Variants in RGS8 observed in about 807,000 individuals in gnomAD.
The protein encoded by RGS8 is regulator of G protein signaling 8, also known as regulator of G-protein signaling 8.
In RGS8, 8 loss-of-function variants were observed where a neutral mutation model predicts 21.7. The ratio of observed to expected loss-of-function variants is 0.37; its 90% confidence interval spans 0.22 to 0.66. The LOEUF (loss-of-function observed/expected upper bound fraction) is 0.66. Among genes scored for constraint, RGS8 ranks in the 30% least tolerant of loss-of-function variants. The pLI, the probability that RGS8 is intolerant of heterozygous loss-of-function variation, is 0.59. For missense variants in RGS8, 157 were observed against 217.9 expected (o/e 0.72, Z 1.76); for synonymous variants, 80 against 83.6 (o/e 0.96, Z 0.24).
At chr1:182,673,102 T>A (rs1469978164), upstream of RGS8, among the ~76,000 whole-genome samples, 1 of 152,118 alleles carries the variant, frequency 6.6e-6, no homozygotes, top group Non-Finnish European at 1.5e-5. Flanking sequence ...GTCCCTAAGG[T>A]TGAGTCTACA....
chr1:182,716,181 A>G, the RGS8 span, among the ~76,000 whole-genome samples: 1 of 150,914 alleles, frequency 6.6e-6, no homozygotes, highest in Non-Finnish European at 1.5e-5. Flanking sequence ...GCTGGAGTAC[A>G]GTGGCTTGAT....
the RGS8 span, among the ~76,000 whole-genome samples, chr1:182,711,650 C>T: frequency 6.6e-6 from 1 of 152,208 alleles, no homozygotes; most frequent in African/African-American, 2.4e-5. Context: ...TGGAACAATT[C>T]AGCCAAGTGA....
intron 3 of RGS8, 134 bp downstream of exon 4, chr1:182,669,490 C>T (rs1664044051): frequency 7.8e-7 from 1 of 1,283,724 alleles, no homozygotes; most frequent in Non-Finnish European, 1.1e-6. Context: ...ACACAGGAGG[C>T]CTATGGGGAC....
the RGS8 span, among the ~76,000 whole-genome samples, chr1:182,692,352 A>G: frequency 6.6e-6 from 1 of 152,102 alleles, no homozygotes; most frequent in Non-Finnish European, 1.5e-5. Context: ...GAACCAAATC[A>G]ACAATGCAAT....
At chr1:182,685,249 C>A (rs1664674162), upstream of RGS8, among the ~76,000 whole-genome samples, 1 of 152,206 alleles carries the variant, frequency 6.6e-6, no homozygotes, top group African/African-American at 2.4e-5. Context: ...CAAGAGGAAG[C>A]ATCATGGAGA....
downstream of RGS8, chr1:182,645,348 C>T (rs1345431544): frequency 4.6e-5 from 7 of 152,256 alleles, no homozygotes; most frequent in Non-Finnish European, 1.0e-4. Flanking sequence ...CAGCCTCTTA[C>T]ATGCCCCTCT....
chr1:182,720,903 A>G, the RGS8 span, among the ~76,000 whole-genome samples: 14 of 22,636 alleles, frequency 6.2e-4, 1 homozygote, highest in East Asian at 3.8e-3. Context: ...ATATATATAC[A>G]TATGTGTGTG....
the RGS8 span, among the ~76,000 whole-genome samples, chr1:182,751,133 C>T: frequency 5.3e-5 from 8 of 152,102 alleles, no homozygotes; most frequent in African/African-American, 1.9e-4. Flanking sequence ...GAAGCAACTT[C>T]ATTTGAAGAT....
chr1:182,752,178 C>T, the RGS8 span, among the ~76,000 whole-genome samples: 3 of 152,300 alleles, frequency 2.0e-5, no homozygotes, highest in South Asian at 6.2e-4. Context: ...ACAAGACTTC[C>T]AAGCCATCCC....
the RGS8 span, among the ~76,000 whole-genome samples, chr1:182,747,021 G>A: frequency 7.7e-6 from 1 of 129,180 alleles, no homozygotes; most frequent in African/African-American, 2.8e-5. Flanking sequence ...TGGGACTACA[G>A]GCACGTGTCA....
the RGS8 span, among the ~76,000 whole-genome samples, chr1:182,701,648 C>T: frequency 6.6e-6 from 1 of 152,116 alleles, no homozygotes; most frequent in African/African-American, 2.4e-5. Flanking sequence ...TGTATCCAGC[C>T]GCCTGGAAAA....
intron 5 of RGS8, among the ~76,000 whole-genome samples, chr1:182,661,098 G>C (rs1044164820): frequency 6.6e-6 from 1 of 150,938 alleles, no homozygotes; most frequent in Admixed American, 6.6e-5. Context: ...TGATTGTTTG[G>C]GGTCTTCTGC....
chr1:182,730,488 T>C, the RGS8 span, among the ~76,000 whole-genome samples: 4 of 152,212 alleles, frequency 2.6e-5, no homozygotes, highest in East Asian at 3.9e-4. Flanking sequence ...AGTGGGCAGA[T>C]TGCCTGAGCT....
chr1:182,650,826 C>A (rs1662977065), intron 5 of RGS8, among the ~76,000 whole-genome samples: 1 of 152,170 alleles, frequency 6.6e-6, no homozygotes, highest in African/African-American at 2.4e-5. Context: ...GTGAAGGCTG[C>A]ATTACTGTTA....
chr1:182,734,560 T>C, the RGS8 span: 1 of 152,242 alleles, frequency 6.6e-6, no homozygotes, highest in Admixed American at 6.5e-5. Flanking sequence ...GACTTTGTAG[T>C]TGATCCCAAT....
chr1:182,692,542 T>C, the RGS8 span, among the ~76,000 whole-genome samples: 32 of 151,944 alleles, frequency 2.1e-4, no homozygotes, highest in Non-Finnish European at 2.9e-5. Flanking sequence ...AAAATAACCA[T>C]ACTGATGAAA....
chr1:182,721,083 A>ATGTGTG, the RGS8 span, among the ~76,000 whole-genome samples: 1 of 55,512 alleles, frequency 1.8e-5, no homozygotes. Context: ...ATATATACAC[A>ATGTGTG]TATATATGTG....
the RGS8 span, among the ~76,000 whole-genome samples, chr1:182,736,183 T>C: frequency 1.3e-5 from 2 of 152,240 alleles, no homozygotes. Context: ...ATTAAAATAT[T>C]AAATGGTCAT....
chr1:182,656,403 T>A lies in RGS8; in HGVS notation c.194-8100A>T, dbSNP rs866949656. 1.3e-3 allele frequency among the ~76,000 whole-genome samples: 198 copies of A among 152,310 alleles called. 1 individual carries two copies. The highest frequency in any genetic ancestry group is 4.6e-3 in the African/African-American group (190 of 41,566). Reference sequence around the variant, plus strand: ...ACACCTGCTGTCGCCTTCTCTGTGGTAAGAACTGAGGCCGTTAGGTGCCAC... The same window carrying A: ...ACACCTGCTGTCGCCTTCTCTGTGGAAAGAACTGAGGCCGTTAGGTGCCAC... On this transcript the variant is annotated intron_variant, in intron 5 of 6. Coordinates refer to ENST00000483095, the Ensembl canonical transcript of RGS8.
Sources: gnomAD v4.1 joint callset for allele counts (sites outside exome capture counted in the v4.1 genomes callset) on GRCh38, gnomAD v4.1.1 for gene constraint, MANE v1.5 for transcripts, NCBI Gene and HGNC (gene_info 2026-07-23, HGNC 2026-07-21) for gene names.